Variants in GRIN3A observed in about 807,000 individuals in gnomAD.
GRIN3A encodes glutamate ionotropic receptor NMDA type subunit 3A.
A neutral mutation model predicts 92.4 loss-of-function variants in GRIN3A; 47 were observed. That is an observed-to-expected ratio of 0.51 (90% confidence interval 0.40 to 0.65). The LOEUF is 0.65. Among genes scored for constraint, GRIN3A ranks in the 30% least tolerant of loss-of-function variants. GRIN3A has a pLI of 0.00. For missense variants in GRIN3A, 1,324 were observed against 1,393.1 expected (o/e 0.95, Z 0.79); for synonymous variants, 527 against 540.6 (o/e 0.97, Z 0.35).
chr9:101,657,628 G>GAA (rs1588270059), intron 3 of GRIN3A, among the ~76,000 whole-genome samples: 2 of 152,034 alleles, frequency 1.3e-5, no homozygotes, highest in East Asian at 3.9e-4. Flanking sequence ...ATTTGGAGAT[G>GAA]TCTAACTGCA....
At chr9:101,669,121 A>C (rs1829280447) in intron 3 of GRIN3A, among the ~76,000 whole-genome samples, 1 of 152,088 alleles carries the variant, frequency 6.6e-6, no homozygotes, top group Non-Finnish European at 1.5e-5. Context: ...ACATGTTGGA[A>C]TGCACTGCAG....
In GRIN3A at chr9:101,737,794, G is replaced by T. The variant is rs949332112; in HGVS notation, c.186C>A (p.Pro62=). 5.2e-6 allele frequency: 8 copies of T among 1,529,844 alleles called. No homozygotes were observed. Among genetic ancestry groups the T allele is most frequent in the South Asian group, 4.8e-5 (4 of 83,442 alleles). 94.8% of individuals were successfully genotyped at this position (1,529,844 alleles called of 1,614,324 possible). A position where few individuals can be genotyped will look rare whatever the true frequency, so the allele number is the denominator to read the frequency against. Residue 62 remains proline, a synonymous_variant, in exon 1 of 9, where the codon CCC becomes CCA. Coordinates refer to ENST00000361820, the MANE Select transcript of GRIN3A (RefSeq NM_133445.3). The stretch of plus-strand genomic sequence containing the variant: ...CGTCCGGAGCGCGGCTGGCCGCGCG[G>T]GGGGCGGTGGTCCAGGGCTGCAAGT... ...AVHLQPWTTA[P]RAASRAPDDS...
chr9:101,698,447 G>C (rs1247764022), intron 1 of GRIN3A, among the ~76,000 whole-genome samples: 2 of 152,100 alleles, frequency 1.3e-5, no homozygotes, highest in African/African-American at 2.4e-5. Flanking sequence ...TTAACGATGA[G>C]GGTACTGTCA....
intron 1 of GRIN3A, among the ~76,000 whole-genome samples, chr9:101,692,761 T>G (rs969661194): frequency 1.3e-5 from 2 of 152,200 alleles, no homozygotes; most frequent in African/African-American, 4.8e-5. Context: ...TGTTTCTCAT[T>G]ATCTCACATC....
At chr9:101,621,264 G>A (rs1259210864) in intron 5 of GRIN3A, among the ~76,000 whole-genome samples, 4 of 145,222 alleles carry the variant, frequency 2.8e-5, no homozygotes, top group Non-Finnish European at 4.5e-5. Context: ...CAGCCTGGAT[G>A]ATAGAGTGAG....
chr9:101,636,928 A>G (rs1416243964), intron 3 of GRIN3A, among the ~76,000 whole-genome samples: 5 of 152,192 alleles, frequency 3.3e-5, no homozygotes, highest in Non-Finnish European at 7.3e-5. Flanking sequence ...AGGTGAAAAA[A>G]CAAGCTAAAT....
chr9:101,581,720 A>G (rs1361820396), intron 6 of GRIN3A, among the ~76,000 whole-genome samples: 1 of 152,154 alleles, frequency 6.6e-6, no homozygotes, highest in Non-Finnish European at 1.5e-5. Context: ...TTTTGTTATA[A>G]TGGCACACAT....
intron 1 of GRIN3A, among the ~76,000 whole-genome samples, chr9:101,687,582 G>A (rs865912760): frequency 3.3e-5 from 5 of 152,052 alleles, no homozygotes; most frequent in Non-Finnish European, 5.9e-5. Flanking sequence ...GATCTCATAC[G>A]CAATAAGGAG....
At chr9:101,590,346 CT>C (rs370810593) in intron 6 of GRIN3A, among the ~76,000 whole-genome samples, 17 of 143,404 alleles carry the variant, frequency 1.2e-4, no homozygotes, top group Admixed American at 3.5e-4. Context: ...TAATGACACT[CT>C]ATTTATTTAT....
intron 2 of GRIN3A, among the ~76,000 whole-genome samples, chr9:101,683,310 C>T (rs1829486933): frequency 6.6e-6 from 1 of 152,186 alleles, no homozygotes; most frequent in South Asian, 2.1e-4. Flanking sequence ...GTAACTCTGA[C>T]ATCCACTATT....
Position 101,571,284 on chromosome 9 carries a change from G to T in GRIN3A, c.*1890C>A, listed in dbSNP as rs1827755418. ...TATCTCTGAGCCTCCCTCCACTCCA[G>T]GGTTTTCTCAGCCAATTAATCACTA... On this transcript the variant is annotated 3_prime_UTR_variant, in exon 9 of 9. Transcript: ENST00000361820. The T allele has an allele frequency of 6.6e-6, 1 of 152,144 alleles. No individual in the cohort carries two copies. Among genetic ancestry groups the T allele is most frequent in the South Asian group, 2.1e-4 (1 of 4,826 alleles). 9.4% of individuals were successfully genotyped at this position (152,144 alleles called of 1,614,324 possible).
rs568214887 is a variant in GRIN3A at position 101,628,826 on chromosome 9, C to T, written c.2353-425G>A. On this transcript the variant is annotated intron_variant, in intron 3 of 8. Transcript: ENST00000361820. Reference sequence around the variant, plus strand: ...ACATCCTGAGATTACAATAAACCTGCGCTAATGCTGTGACTACATCACTTT... The same window carrying T: ...ACATCCTGAGATTACAATAAACCTGTGCTAATGCTGTGACTACATCACTTT... 6.3e-4 allele frequency among the ~76,000 whole-genome samples: 95 copies of T among 150,974 alleles called. 1 individual carries two copies. Among genetic ancestry groups the T allele is most frequent in the African/African-American group, 2.2e-3 (87 of 40,316 alleles).
At chr9:101,678,781 A>C (rs1176650436) in intron 2 of GRIN3A, among the ~76,000 whole-genome samples, 3 of 152,196 alleles carry the variant, frequency 2.0e-5, no homozygotes, top group African/African-American at 7.2e-5. Flanking sequence ...GAAGTCATAC[A>C]CACAGACATG....
At chr9:101,581,676 C>T (rs1007977158) in intron 6 of GRIN3A, among the ~76,000 whole-genome samples, 1 of 152,132 alleles carries the variant, frequency 6.6e-6, no homozygotes, top group Non-Finnish European at 1.5e-5. Context: ...GGGGAATACA[C>T]TTCTCTTCTT....
At chr9:101,634,262 G>A (rs1391261117) in intron 3 of GRIN3A, among the ~76,000 whole-genome samples, 3 of 150,648 alleles carry the variant, frequency 2.0e-5, no homozygotes, top group African/African-American at 7.3e-5. Context: ...GAACCCGGGA[G>A]GCGGAGCTTG....
intron 3 of GRIN3A, among the ~76,000 whole-genome samples, chr9:101,667,203 A>G (rs983932486): frequency 6.6e-6 from 1 of 151,834 alleles, no homozygotes; most frequent in Non-Finnish European, 1.5e-5. Context: ...TATATACTTT[A>G]TATTATAAGG....
intron 1 of GRIN3A, among the ~76,000 whole-genome samples, chr9:101,691,081 G>A (rs549057297): frequency 5.9e-5 from 9 of 151,858 alleles, no homozygotes; most frequent in Non-Finnish European, 1.3e-4. Flanking sequence ...AAAAAATAAA[G>A]GAACATGAAA....
At chr9:101,690,823 A>G (rs1331855283) in intron 1 of GRIN3A, among the ~76,000 whole-genome samples, 1 of 152,162 alleles carries the variant, frequency 6.6e-6, no homozygotes, top group Non-Finnish European at 1.5e-5. Flanking sequence ...AATTAAAATA[A>G]CAAAGAAATA....
intron 6 of GRIN3A, among the ~76,000 whole-genome samples, chr9:101,607,427 T>A (rs1828301369): frequency 6.6e-6 from 1 of 152,076 alleles, no homozygotes; most frequent in South Asian, 2.1e-4. Context: ...ACTAGCAAAA[T>A]GGTATGTAAG....
Sources: allele counts gnomAD v4.1 joint callset (sites outside exome capture counted in the v4.1 genomes callset), GRCh38; gene constraint gnomAD v4.1.1; transcripts MANE v1.5; gene names NCBI Gene and HGNC (gene_info 2026-07-23, HGNC 2026-07-21).